ATRNL1: variants seen among roughly 807,000 people sequenced by gnomAD.
ATRNL1 encodes the protein attractin like 1.
A neutral mutation model predicts 182.7 loss-of-function variants in ATRNL1; 95 were observed. That is an observed-to-expected ratio of 0.52 (90% CI 0.44 to 0.62). ATRNL1 has a LOEUF of 0.62. Ranked by LOEUF, ATRNL1 falls within the 20% of genes least tolerant of loss-of-function variation. ATRNL1 has a pLI of 0.00. For synonymous variants in ATRNL1, 576 were observed against 568.3 expected (o/e 1.01, Z -0.19); for missense variants, 1,471 against 1,679.5 (o/e 0.88, Z 2.17).
chr10:115,877,966 A>G (rs758157096), intron 28 of ATRNL1, among the ~76,000 whole-genome samples: 1 of 152,170 alleles, frequency 6.6e-6, no homozygotes, highest in Non-Finnish European at 1.5e-5. Context: ...GTGTCTCAGT[A>G]TTCTCTCTGC....
chr10:115,105,866 G>A (rs1266509492), intron 1 of ATRNL1, among the ~76,000 whole-genome samples: 1 of 152,168 alleles, frequency 6.6e-6, no homozygotes, highest in Non-Finnish European at 1.5e-5. Flanking sequence ...TGCAGGGGTG[G>A]GACTCTCATG....
chr10:115,593,897 G>A (rs1856066970), intron 26 of ATRNL1, among the ~76,000 whole-genome samples: 1 of 151,862 alleles, frequency 6.6e-6, no homozygotes, highest in East Asian at 1.9e-4. Context: ...TCTACAGGTA[G>A]TATACAATTA....
intron 20 of ATRNL1, 121 bp from the exon 21 acceptor site, chr10:115,426,129 A>T (rs998428840): frequency 3.0e-6 from 2 of 665,944 alleles, no homozygotes; most frequent in Non-Finnish European, 4.9e-6. Flanking sequence ...TGAAATTTCA[A>T]ATAATGGTAT....
At chr10:115,469,366 T>C (rs782694808) in intron 24 of ATRNL1, 37 bp downstream of exon 24, 1 of 1,317,616 alleles carries the variant, frequency 7.6e-7, no homozygotes. Context: ...ATGACCATAA[T>C]ATCATTAAGA....
At chr10:115,917,186 G>T (rs1270244024) in intron 28 of ATRNL1, among the ~76,000 whole-genome samples, 1 of 152,108 alleles carries the variant, frequency 6.6e-6, no homozygotes, top group Admixed American at 6.5e-5. Flanking sequence ...CTAAAACGGG[G>T]CCGGCTGGGA....
chr10:115,194,691 T>A (rs149636701), intron 8 of ATRNL1, among the ~76,000 whole-genome samples: 149 of 152,116 alleles, frequency 9.8e-4, no homozygotes, highest in East Asian at 8.9e-3. Context: ...TTACATTCAA[T>A]ATTATTATTG....
At chr10:115,315,952 C>T (rs61498617) in intron 18 of ATRNL1, among the ~76,000 whole-genome samples, 1 of 152,134 alleles carries the variant, frequency 6.6e-6, no homozygotes, top group Non-Finnish European at 1.5e-5. Flanking sequence ...TAAATGAATT[C>T]ATGGAATATC....
At chr10:115,691,711 G>A (rs935099879) in intron 26 of ATRNL1, among the ~76,000 whole-genome samples, 1 of 151,896 alleles carries the variant, frequency 6.6e-6, no homozygotes, top group Non-Finnish European at 1.5e-5. Flanking sequence ...GACAGAGGCA[G>A]ACCCTGTCTA....
chr10:115,916,166 C>T (rs1952843885), intron 28 of ATRNL1, among the ~76,000 whole-genome samples: 3 of 152,132 alleles, frequency 2.0e-5, no homozygotes, highest in East Asian at 3.9e-4. Context: ...AGGGCAGTCA[C>T]CTTCCCTAAA....
chr10:115,735,521 G>A (rs150312404), intron 27 of ATRNL1, among the ~76,000 whole-genome samples: 1 of 152,062 alleles, frequency 6.6e-6, no homozygotes, highest in Non-Finnish European at 1.5e-5. Context: ...AGTGTAATTT[G>A]TAAATTAGGC....
chr10:115,126,664 A>G (rs1426564109), intron 3 of ATRNL1, among the ~76,000 whole-genome samples: 2 of 152,168 alleles, frequency 1.3e-5, no homozygotes, highest in African/African-American at 4.8e-5. Context: ...ATTTGACTAT[A>G]ATATTTCATT....
In ATRNL1 at chr10:115,747,619, T is replaced by G. The variant is rs1565343602; in HGVS notation, c.3903+20264T>G. 2.0e-5 allele frequency among the ~76,000 whole-genome samples: 3 copies of G among 152,216 alleles called. No individual in the cohort carries two copies. The South Asian group carries it at 6.2e-4, about 32-fold the overall frequency. On this transcript the variant is annotated intron_variant, in intron 27 of 28. Transcript: ENST00000355044. ...GTAGAGAGAGACATGATCTTGTTTT[T>G]CACTCTGGAATGACAGCCTTCTTTT...
intron 18 of ATRNL1, among the ~76,000 whole-genome samples, chr10:115,316,522 A>G (rs1854309972): frequency 6.6e-6 from 1 of 151,046 alleles, no homozygotes. Flanking sequence ...TAGATCCTTG[A>G]GGAATCACAG....
At chr10:115,659,689 T>C (rs1203714355) in intron 26 of ATRNL1, among the ~76,000 whole-genome samples, 1 of 152,048 alleles carries the variant, frequency 6.6e-6, no homozygotes, top group African/African-American at 2.4e-5. Flanking sequence ...TAAAAAAGGT[T>C]CATAACTTAC....
intron 22 of ATRNL1, among the ~76,000 whole-genome samples, chr10:115,463,669 CT>C (rs1847921731): frequency 6.6e-6 from 1 of 152,114 alleles, no homozygotes; most frequent in Non-Finnish European, 1.5e-5. Flanking sequence ...TCATTCCACA[CT>C]TCTCTGCAGC....
intron 10 of ATRNL1, among the ~76,000 whole-genome samples, chr10:115,263,132 T>G (rs1199469044): frequency 6.6e-6 from 1 of 151,890 alleles, no homozygotes; most frequent in African/African-American, 2.4e-5. Context: ...AGTCATAACA[T>G]GGAAAACTCT....
intron 27 of ATRNL1, among the ~76,000 whole-genome samples, chr10:115,755,650 C>G (rs782238588): frequency 6.6e-6 from 1 of 152,024 alleles, no homozygotes; most frequent in Non-Finnish European, 1.5e-5. Flanking sequence ...TGCATTTCTG[C>G]CAGGTTTTGG....
intron 25 of ATRNL1, among the ~76,000 whole-genome samples, chr10:115,540,810 C>T (rs1024783684): frequency 6.7e-6 from 1 of 150,348 alleles, no homozygotes; most frequent in East Asian, 2.0e-4. Flanking sequence ...AGTAGTCATT[C>T]TTAAGTTAAT....
chr10:115,535,716 G>T (rs1367796309), intron 25 of ATRNL1, among the ~76,000 whole-genome samples: 1 of 152,072 alleles, frequency 6.6e-6, no homozygotes, highest in Admixed American at 6.6e-5. Flanking sequence ...TTTCTGCTCT[G>T]TTTTTTCCCC....
Sources: allele counts gnomAD v4.1 joint callset (sites outside exome capture counted in the v4.1 genomes callset), GRCh38; gene constraint gnomAD v4.1.1; transcripts MANE v1.5; gene names NCBI Gene and HGNC (gene_info 2026-07-23, HGNC 2026-07-21).